The following JAKMIP1 variants were observed in gnomAD, a reference collection of about 807,000 sequenced individuals.
The protein encoded by JAKMIP1 is janus kinase and microtubule-interacting protein 1.
JAKMIP1 carries 33 observed loss-of-function variants against 113.0 expected under a neutral mutation model. The ratio of observed to expected loss-of-function variants is 0.29; its 90% CI spans 0.22 to 0.39. The LOEUF is 0.39. JAKMIP1 is among the 10% of genes least tolerant of loss of function. JAKMIP1 has a pLI of 1.00. For missense variants in JAKMIP1, 813 were observed against 1,080.5 expected (o/e 0.75, Z 3.47); for synonymous variants, 480 against 459.9 (o/e 1.04, Z -0.56).
intron 3 of JAKMIP1, among the ~76,000 whole-genome samples, chr4:6,100,624 C>CT (rs1213407204): frequency 6.6e-6 from 1 of 152,018 alleles, no homozygotes; most frequent in Non-Finnish European, 1.5e-5. Flanking sequence ...CGTAGGTGTC[C>CT]TTTTTTTAGA....
At chr4:6,127,502 T>C (rs561201526) in intron 1 of JAKMIP1, among the ~76,000 whole-genome samples, 10 of 152,322 alleles carry the variant, frequency 6.6e-5, no homozygotes, top group Admixed American at 2.0e-4. Flanking sequence ...GTTGTCAGCC[T>C]CAGGCTCCCT....
chr4:6,059,814 T>A lies in JAKMIP1; in HGVS notation c.1644+610A>T, dbSNP rs140896720. Among the ~76,000 whole-genome samples the A allele has an allele frequency of 1.9e-3, 293 of 152,134 alleles. 1 individual carries two copies. Among genetic ancestry groups the A allele is most frequent in the Non-Finnish European group, 3.5e-3 (236 of 68,000 alleles). On this transcript the variant is annotated intron_variant, in intron 11 of 20. Transcript: ENST00000409021. The surrounding 1 kb of genome is among the most constrained non-coding windows in gnomAD (Gnocchi z 4.8). The stretch of plus-strand genomic sequence containing the variant: ...AGAGGAGGCCGACCCATACGAACCT[T>A]CGCATGCCACCCCGAGAGGCCAGAT...
Position 6,086,962 on chromosome 4 carries a change from T to C in JAKMIP1, c.625-1333A>G, listed in dbSNP as rs757797378. Among the ~76,000 whole-genome samples, 3 of 152,012 alleles carry C rather than the reference T, an allele frequency of 2.0e-5. No individual in the cohort carries two copies. Among genetic ancestry groups the C allele is most frequent in the Non-Finnish European group, 4.4e-5 (3 of 67,996 alleles). On this transcript the variant is annotated intron_variant, in intron 3 of 20. Transcript: ENST00000409021. The surrounding 1 kb of genome is among the most constrained non-coding windows in gnomAD (Gnocchi z 4.1). Reference sequence around the variant, plus strand: ...TCTTCCACAGCCTTAGGGGGAAGTGTGGGCATGCAGACACCTTGATTTCAA... The same window carrying C: ...TCTTCCACAGCCTTAGGGGGAAGTGCGGGCATGCAGACACCTTGATTTCAA...
chr4:6,079,375 G>A (rs1388767767), intron 7 of JAKMIP1, among the ~76,000 whole-genome samples: 1 of 152,020 alleles, frequency 6.6e-6, no homozygotes, highest in African/African-American at 2.4e-5. Flanking sequence ...TGGATGGATG[G>A]GTGAAAGGAA....
intron 19 of JAKMIP1, among the ~76,000 whole-genome samples, chr4:6,034,259 T>A (rs1288555353): frequency 8.4e-6 from 1 of 119,602 alleles, no homozygotes; most frequent in Non-Finnish European, 1.7e-5. Flanking sequence ...ATTGTCATCA[T>A]CCCCATGAGG....
intron 1 of JAKMIP1, among the ~76,000 whole-genome samples, chr4:6,124,665 A>T (rs2108916564): frequency 6.6e-6 from 1 of 152,290 alleles, no homozygotes; most frequent in East Asian, 1.9e-4. Context: ...CCATGGCTAC[A>T]GCAGCCAGGC....
At chr4:6,066,088 G>A (rs1718037600) in intron 8 of JAKMIP1, among the ~76,000 whole-genome samples, 1 of 151,990 alleles carries the variant, frequency 6.6e-6, no homozygotes, top group African/African-American at 2.4e-5. Context: ...AATCAAAACT[G>A]AATTCCAGAG....
At position 6,193,994 on chromosome 4, in the gene JAKMIP1, C is replaced by T. The variant is rs562489874; in HGVS notation, c.-148+6259G>A. Among the ~76,000 whole-genome samples the T allele has an allele frequency of 1.5e-4, 23 of 152,314 alleles. No homozygotes were observed. The highest frequency in any genetic ancestry group is 4.8e-4 in the African/African-American group (20 of 41,566). On this transcript the variant is annotated intron_variant, in intron 1 of 20. Transcript: ENST00000409021. The surrounding 1 kb of genome is among the most constrained non-coding windows in gnomAD (Gnocchi z 6.4). ...AAGGAAGCAATGACACTTGATGACACTTGCTATAACATGGGTGAACCCTGA... is the reference window on the plus strand; with the variant it reads ...AAGGAAGCAATGACACTTGATGACATTTGCTATAACATGGGTGAACCCTGA...
Position 6,112,972 on chromosome 4 carries a change from C to CGA in JAKMIP1, c.-124_-123dup. 7.4e-7 allele frequency: 1 copy of CGA among 1,348,064 alleles called. No individual in the cohort carries two copies. The allele number at this position is 1,348,064 out of a possible 1,614,324, so 83.5% of individuals were successfully genotyped here. A position where few individuals can be genotyped will look rare whatever the true frequency, so the allele number is the denominator to read the frequency against. On this transcript the variant is annotated 5_prime_UTR_variant, in exon 2 of 21. An upstream open reading frame in the 5' UTR gains an earlier in-frame stop. Transcript: ENST00000409021. The stretch of plus-strand genomic sequence containing the variant: ...GTCGCGCAGGACTCAGCTCGCCCTC[C>CGA]GAGGAAACCACCATCACTTGGGATC...
At chr4:6,166,014 C>A (rs1279146203) in intron 1 of JAKMIP1, among the ~76,000 whole-genome samples, 1 of 152,160 alleles carries the variant, frequency 6.6e-6, no homozygotes, top group Non-Finnish European at 1.5e-5. Flanking sequence ...GCCCTCCACT[C>A]CACTTTCACG....
chr4:6,183,999 T>C lies in JAKMIP1; in HGVS notation c.-148+16254A>G, dbSNP rs900473244. On this transcript the variant is annotated intron_variant, in intron 1 of 20. Coordinates refer to ENST00000409021, the MANE Select transcript of JAKMIP1 (RefSeq NM_001099433.2). This position sits in a 1 kb window ranked among gnomAD's most constrained non-coding sequence, Gnocchi z 5.3. ...ACCCTATACTTTTCGTTTTGAAAGT[T>C]GAATTCATCAGAGCAACCTCACTGT... Among the ~76,000 whole-genome samples, 2 of 152,376 alleles carry C rather than the reference T, an allele frequency of 1.3e-5. No individual in the cohort carries two copies. Among genetic ancestry groups the C allele is most frequent in the Non-Finnish European group, 2.9e-5 (2 of 68,036 alleles).
At chr4:6,170,669 C>A (rs897878577) in intron 1 of JAKMIP1, among the ~76,000 whole-genome samples, 46 of 151,340 alleles carry the variant, frequency 3.0e-4, no homozygotes, top group Non-Finnish European at 5.5e-4. Context: ...AATCCCACCA[C>A]CCTTCTCACC....
rs1578535620 is a variant in JAKMIP1, at chr4:6,197,550, C to G, written c.-148+2703G>C. ...GTTAATCTTCTTACCCAAGATCACA[C>G]AATGACAAGGGATAAACTACAGGCA... On this transcript the variant is annotated intron_variant, in intron 1 of 20. Coordinates refer to ENST00000409021, the MANE Select transcript of JAKMIP1 (RefSeq NM_001099433.2). The surrounding 1 kb of genome is among the most constrained non-coding windows in gnomAD (Gnocchi z 6.5). Among the ~76,000 whole-genome samples the G allele has an allele frequency of 6.6e-6, 1 of 152,210 alleles. No individual in the cohort carries two copies. Among genetic ancestry groups the G allele is most frequent in the African/African-American group, 2.4e-5 (1 of 41,446 alleles).
At chr4:6,035,761 A>G in intron 19 of JAKMIP1, 143 bp downstream of exon 19, 2 of 704,806 alleles carry the variant, frequency 2.8e-6, no homozygotes, top group South Asian at 3.9e-5. Context: ...CATCTATGAA[A>G]TCTTGCTTCT....
intron 5 of JAKMIP1, among the ~76,000 whole-genome samples, chr4:6,084,077 G>T (rs751115533): frequency 3.9e-5 from 6 of 152,052 alleles, no homozygotes; most frequent in Non-Finnish European, 8.8e-5. Context: ...CAGCACTTTG[G>T]GAGGCTGAGG....
Position 6,038,472 on chromosome 4 carries a change from T to C in JAKMIP1, c.2175+2167A>G, listed in dbSNP as rs865835445. On this transcript the variant is annotated intron_variant, in intron 18 of 20. Coordinates refer to ENST00000409021, the MANE Select transcript of JAKMIP1 (RefSeq NM_001099433.2). ...AGGCTAACCGGTATCCCTCCATCACTGAGGCAGAGGTTAACCCAGTAGCCC... is the reference window on the plus strand; with the variant it reads ...AGGCTAACCGGTATCCCTCCATCACCGAGGCAGAGGTTAACCCAGTAGCCC... 3.5e-3 allele frequency among the ~76,000 whole-genome samples: 466 copies of C among 134,318 alleles called. 6 individuals are homozygous for C. The highest frequency in any genetic ancestry group is 0.012 in the African/African-American group (399 of 32,818). 88.1% of individuals were successfully genotyped at this position (134,318 alleles called of 152,430 possible).
chr4:6,054,768 C>T (rs1560115684), intron 12 of JAKMIP1: 1 of 456,768 alleles, frequency 2.2e-6, no homozygotes, highest in East Asian at 6.9e-5. Flanking sequence ...AGAAGGGAAA[C>T]AGCAGCACCC....
rs1172227459 is a variant in JAKMIP1, at chr4:6,088,690, C to T, written c.625-3061G>A. Among the ~76,000 whole-genome samples the T allele has an allele frequency of 1.3e-5, 2 of 152,188 alleles. No individual in the cohort carries two copies. The highest frequency in any genetic ancestry group is 6.5e-5 in the Admixed American group (1 of 15,284). On this transcript the variant is annotated intron_variant, in intron 3 of 20. Coordinates refer to ENST00000409021, the MANE Select transcript of JAKMIP1 (RefSeq NM_001099433.2). This position sits in a 1 kb window ranked among gnomAD's most constrained non-coding sequence, Gnocchi z 5.5. Reference sequence around the variant, plus strand: ...GAGGTTAAGACACTGGCCACGCTCACGTAGCAAGAGGCAGGCACACTCACA... The same window carrying T: ...GAGGTTAAGACACTGGCCACGCTCATGTAGCAAGAGGCAGGCACACTCACA...
chr4:6,160,835 A>G (rs1401553588), intron 1 of JAKMIP1, among the ~76,000 whole-genome samples: 2 of 144,150 alleles, frequency 1.4e-5, no homozygotes, highest in Admixed American at 6.9e-5. Flanking sequence ...ACTGACCTCC[A>G]CTCACCTCCC....
Sources: allele counts gnomAD v4.1 joint callset (sites outside exome capture counted in the v4.1 genomes callset), GRCh38; gene constraint gnomAD v4.1.1; non-coding constraint Gnocchi (gnomAD v3.1); transcripts MANE v1.5; gene names NCBI Gene and HGNC (gene_info 2026-07-23, HGNC 2026-07-21).